Variants in MARK1 observed in about 807,000 individuals in gnomAD.
MARK1 encodes serine/threonine-protein kinase MARK1.
Under a neutral mutation model 96.3 loss-of-function variants are expected in MARK1, and 40 were observed. That is an observed-to-expected ratio of 0.42 (90% CI 0.32 to 0.54). The LOEUF (loss-of-function observed/expected upper bound fraction) is 0.54, where lower values mean the gene tolerates loss of function less well. Ranked by LOEUF, MARK1 falls within the 20% of genes least tolerant of loss-of-function variation. MARK1 has a pLI of 0.16. For missense variants in MARK1, 719 were observed against 984.6 expected, an observed-to-expected ratio of 0.73 and a Z score of 3.61; for synonymous variants, 317 against 341.2, an observed-to-expected ratio of 0.93 and a Z score of 0.78.
In MARK1 at chr1:220,618,292, C is replaced by A; in HGVS notation, c.553-18C>A. 6.9e-7 allele frequency: 1 copy of A among 1,442,492 alleles called. No individual in the cohort carries two copies. The highest frequency in any genetic ancestry group is 9.8e-7 in the Non-Finnish European group (1 of 1,025,474). The allele number at this position is 1,442,492 out of a possible 1,614,324, so 89.4% of individuals were successfully genotyped here. ...ATGTAGGCTTTTTACATTGTTCTTT[C>A]TATTATTTTCCTCTTAGGCTGAAAA... is the stretch of plus-strand genomic sequence containing the variant. On this transcript the variant is annotated intron_variant, in intron 7 of 17. Transcript: ENST00000366917. The surrounding 1 kb of genome is among the most constrained non-coding windows in gnomAD (Gnocchi z 4.6).
chr1:220,626,371 G>A (rs1433059790), intron 9 of MARK1: 1 of 550,286 alleles, frequency 1.8e-6, no homozygotes, highest in African/African-American at 1.9e-5. Flanking sequence ...GGATCTACAG[G>A]ATATTGGGGC....
At chr1:220,651,533 A>AGTGTTT (rs1448904394) in intron 14 of MARK1, among the ~76,000 whole-genome samples, 5 of 152,212 alleles carry the variant, frequency 3.3e-5, no homozygotes, top group Non-Finnish European at 7.4e-5. Flanking sequence ...GACTCATAAT[A>AGTGTTT]TGATCTAAAA....
chr1:220,608,534 G>T (rs1032512408), intron 6 of MARK1, among the ~76,000 whole-genome samples: 1 of 151,988 alleles, frequency 6.6e-6, no homozygotes, highest in Non-Finnish European at 1.5e-5. Context: ...TTTTTGAAGG[G>T]TTTTTTTATG....
chr1:220,661,604 A>G (rs991107850), intron 17 of MARK1, among the ~76,000 whole-genome samples: 3 of 152,172 alleles, frequency 2.0e-5, no homozygotes, highest in African/African-American at 7.2e-5. Context: ...TAGATTGACA[A>G]TATTAAAAGT....
intron 1 of MARK1, among the ~76,000 whole-genome samples, chr1:220,543,306 T>G (rs1219333606): frequency 2.0e-5 from 3 of 152,332 alleles, no homozygotes; most frequent in Admixed American, 6.5e-5. Flanking sequence ...AGCCAACATT[T>G]ACAAAACTCA....
At position 220,556,421 on chromosome 1, in the gene MARK1, T is replaced by C. The variant is rs1159509629; in HGVS notation, c.52-22933T>C. ...AAAAAATTTCATGACTTGTTTTTGC[T>C]AGAAACAAGTGAAAAAGTGCTTGGT... On this transcript the variant is annotated intron_variant, in intron 1 of 17. Coordinates refer to ENST00000366917, the MANE Select transcript of MARK1 (RefSeq NM_018650.5). Among the ~76,000 whole-genome samples, 6 of 125,932 alleles carry C rather than the reference T, an allele frequency of 4.8e-5. No individual in the cohort carries two copies. In the Admixed American group the frequency reaches 4.8e-4, roughly 10 times the overall value. 82.6% of individuals were successfully genotyped at this position (125,932 alleles called of 152,430 possible). A position where few individuals can be genotyped will look rare whatever the true frequency, so the allele number is the denominator to read the frequency against.
chr1:220,566,317 C>A (rs990863889), intron 1 of MARK1, among the ~76,000 whole-genome samples: 3 of 152,096 alleles, frequency 2.0e-5, no homozygotes, highest in Non-Finnish European at 4.4e-5. Flanking sequence ...GAAAGAACCA[C>A]CATTTAAGGC....
intron 1 of MARK1, among the ~76,000 whole-genome samples, chr1:220,552,384 C>A (rs1269865459): frequency 6.6e-6 from 1 of 152,140 alleles, no homozygotes; most frequent in African/African-American, 2.4e-5. Flanking sequence ...AGAAATAGCA[C>A]CATATCTTAG....
At chr1:220,616,018 T>A (rs779421806) in intron 7 of MARK1, 23 bp downstream of exon 7, 7 of 1,318,228 alleles carry the variant, frequency 5.3e-6, no homozygotes, top group African/African-American at 2.9e-5. Flanking sequence ...GTGTAATTTT[T>A]TTAAAAAAAA....
At chr1:220,546,308 C>A (rs1274229486) in intron 1 of MARK1, among the ~76,000 whole-genome samples, 1 of 152,158 alleles carries the variant, frequency 6.6e-6, no homozygotes, top group African/African-American at 2.4e-5. Context: ...CATAATGAAA[C>A]CCCACACATT....
At chr1:220,565,359 A>G (rs954335848) in intron 1 of MARK1, among the ~76,000 whole-genome samples, 4 of 152,212 alleles carry the variant, frequency 2.6e-5, no homozygotes, top group African/African-American at 7.2e-5. Context: ...GGGAGCCACC[A>G]GTATCCCTAT....
At chr1:220,541,134 T>C (rs890295193) in intron 1 of MARK1, among the ~76,000 whole-genome samples, 9 of 152,164 alleles carry the variant, frequency 5.9e-5, no homozygotes, top group African/African-American at 2.2e-4. Flanking sequence ...GGTTTCACCA[T>C]GTTGGCCAGG....
intron 1 of MARK1, among the ~76,000 whole-genome samples, chr1:220,567,200 T>C (rs1281047416): frequency 3.3e-5 from 5 of 152,192 alleles, no homozygotes; most frequent in Non-Finnish European, 7.4e-5. Context: ...CTTAATACTC[T>C]ACCTATGGAC....
At chr1:220,601,696 C>T (rs1300199081) in intron 5 of MARK1, among the ~76,000 whole-genome samples, 2 of 152,114 alleles carry the variant, frequency 1.3e-5, no homozygotes, top group Admixed American at 6.5e-5. Context: ...TATAAAGGCC[C>T]ACTGCAAGGC....
chr1:220,645,802 AC>A (rs1444931492), intron 13 of MARK1, among the ~76,000 whole-genome samples: 2 of 152,208 alleles, frequency 1.3e-5, no homozygotes, highest in Admixed American at 6.5e-5. Context: ...AAAGACAAAA[AC>A]CACATAATTA....
At chr1:220,579,205 A>G in intron 1 of MARK1, 149 bp from the exon 2 acceptor site, 1 of 631,596 alleles carries the variant, frequency 1.6e-6, no homozygotes. Context: ...GTCCAGAAGA[A>G]ATTATAAATA....
At chr1:220,650,436 T>C (rs1012958971) in intron 13 of MARK1, among the ~76,000 whole-genome samples, 184 bp from the exon 14 acceptor site, 8 of 152,228 alleles carry the variant, frequency 5.3e-5, no homozygotes, top group African/African-American at 1.9e-4. Flanking sequence ...TGAGTTCATT[T>C]TTGATGCTTT....
chr1:220,554,375 GT>G (rs1250970363), intron 1 of MARK1, among the ~76,000 whole-genome samples: 2 of 152,204 alleles, frequency 1.3e-5, no homozygotes, highest in African/African-American at 2.4e-5. Flanking sequence ...ATGTGCCAAT[GT>G]TTGGAGACAT....
chr1:220,645,656 T>G (rs1486844986), intron 13 of MARK1, among the ~76,000 whole-genome samples: 2 of 152,142 alleles, frequency 1.3e-5, no homozygotes, highest in Non-Finnish European at 2.9e-5. Context: ...AAATCCTCAA[T>G]AAAATACTGG....
Sources: allele counts gnomAD v4.1 joint callset (sites outside exome capture counted in the v4.1 genomes callset), GRCh38; gene constraint gnomAD v4.1.1; non-coding constraint Gnocchi (gnomAD v3.1); transcripts MANE v1.5; gene names NCBI Gene and HGNC (gene_info 2026-07-23, HGNC 2026-07-21).